Variants in PPP3CA observed in about 807,000 individuals in gnomAD.
PPP3CA encodes the protein CAM-PRP catalytic subunit.
PPP3CA carries 14 observed loss-of-function variants against 66.5 expected under a neutral mutation model. That is an observed-to-expected ratio of 0.21 (90% CI 0.14 to 0.33). The LOEUF (loss-of-function observed/expected upper bound fraction) is 0.33, where lower values mean the gene tolerates loss of function less well. Among genes scored for constraint, PPP3CA ranks in the 10% least tolerant of loss-of-function variants. The pLI, the probability that PPP3CA is intolerant of heterozygous loss-of-function variation, is 1.00. For synonymous variants in PPP3CA, 232 were observed against 226.2 expected (o/e 1.03, Z -0.23); for missense variants, 317 against 639.5 (o/e 0.50, Z 5.44).
At chr4:101,306,111 G>A (rs558989889) in intron 1 of PPP3CA, among the ~76,000 whole-genome samples, 1 of 152,040 alleles carries the variant, frequency 6.6e-6, no homozygotes, top group Non-Finnish European at 1.5e-5. Context: ...AAATTCCTTA[G>A]CACAAGAAAA....
rs1027792823 is a variant in PPP3CA, at chr4:101,023,536, C to T, written c.*2329G>A. 2 of 152,252 alleles carry T rather than the reference C, an allele frequency of 1.3e-5. No homozygotes were observed. Among genetic ancestry groups the T allele is most frequent in the Non-Finnish European group, 2.9e-5 (2 of 68,020 alleles). 9.4% of individuals were successfully genotyped at this position (152,252 alleles called of 1,614,324 possible). A position where few individuals can be genotyped will look rare whatever the true frequency, so the allele number is the denominator to read the frequency against. On this transcript the variant is annotated 3_prime_UTR_variant, in exon 14 of 14. Transcript: ENST00000394854. ...ATTTTTTTTAGTCAGGATATTTTCTCTGCAGTTATAAGAAAGAAAATAAAC... is the reference window on the plus strand; with the variant it reads ...ATTTTTTTTAGTCAGGATATTTTCTTTGCAGTTATAAGAAAGAAAATAAAC...
intron 1 of PPP3CA, among the ~76,000 whole-genome samples, chr4:101,269,152 G>A (rs112511225): frequency 1.5e-4 from 23 of 152,156 alleles, no homozygotes; most frequent in Admixed American, 3.3e-4. Context: ...CCTCCTCATC[G>A]TCTATGACAG....
At chr4:101,070,776 C>A (rs1390674011) in intron 8 of PPP3CA, among the ~76,000 whole-genome samples, 1 of 152,098 alleles carries the variant, frequency 6.6e-6, no homozygotes, top group Non-Finnish European at 1.5e-5. Context: ...ATGTGTTATA[C>A]CTACATACTA....
chr4:101,040,473 T>A lies in PPP3CA; in HGVS notation c.1241+9A>T. The A allele has an allele frequency of 6.3e-7, 1 of 1,584,012 alleles. No homozygotes were observed. The highest frequency in any genetic ancestry group is 8.6e-7 in the Non-Finnish European group (1 of 1,164,254). ...ATTTGAAACAAAAACAGAGTACGAA[T>A]GCACCCACCTGAGCACTGAGAACAC... On this transcript the variant is annotated intron_variant, in intron 11 of 13. Transcript: ENST00000394854.
chr4:101,291,515 T>C (rs1728027179), intron 1 of PPP3CA, among the ~76,000 whole-genome samples: 3 of 152,190 alleles, frequency 2.0e-5, no homozygotes, highest in Admixed American at 2.0e-4. Context: ...CACATCCATA[T>C]CTCCATTGCT....
chr4:101,272,520 T>C (rs1727367186), intron 1 of PPP3CA, among the ~76,000 whole-genome samples: 1 of 152,218 alleles, frequency 6.6e-6, no homozygotes, highest in Non-Finnish European at 1.5e-5. Context: ...TTTTCAACAT[T>C]ACTGATCATT....
chr4:101,056,750 A>G (rs1166382729), intron 10 of PPP3CA, among the ~76,000 whole-genome samples: 1 of 151,792 alleles, frequency 6.6e-6, no homozygotes, highest in Non-Finnish European at 1.5e-5. Flanking sequence ...AGCCAGCCCC[A>G]TAAGGGAGAC....
chr4:101,097,540 A>T (rs1304689547), intron 5 of PPP3CA, among the ~76,000 whole-genome samples: 1 of 152,162 alleles, frequency 6.6e-6, no homozygotes, highest in Non-Finnish European at 1.5e-5. Flanking sequence ...ATATTATTTT[A>T]AAATGACCTA....
intron 2 of PPP3CA, among the ~76,000 whole-genome samples, chr4:101,155,088 T>C (rs1298783287): frequency 6.6e-6 from 1 of 152,210 alleles, no homozygotes; most frequent in Non-Finnish European, 1.5e-5. Flanking sequence ...GTGCTGGGAT[T>C]ACGGGCGTGA....
In PPP3CA at chr4:101,069,164, A is replaced by G. The variant is rs180938382; in HGVS notation, c.956-5807T>C. On this transcript the variant is annotated intron_variant, in intron 8 of 13. Transcript: ENST00000394854. ...ATCCTCCTGCTTTAGCCTCCCAAGT[A>G]GCTGGGACTACAGGCACACACCACC... Among the ~76,000 whole-genome samples, 72 of 152,236 alleles carry G rather than the reference A, an allele frequency of 4.7e-4. 1 individual carries two copies. The highest frequency in any genetic ancestry group is 1.7e-3 in the African/African-American group (70 of 41,540).
chr4:101,244,406 T>A (rs1321344417), intron 1 of PPP3CA, among the ~76,000 whole-genome samples: 1 of 152,182 alleles, frequency 6.6e-6, no homozygotes, highest in African/African-American at 2.4e-5. Context: ...ACCTCTTCAA[T>A]CTGCAAGTCG....
rs1728904467 is a variant in PPP3CA, at chr4:101,071,216, C to G, written c.956-7859G>C. On this transcript the variant is annotated intron_variant, in intron 8 of 13. Coordinates refer to ENST00000394854, the MANE Select transcript of PPP3CA (RefSeq NM_000944.5). ...TTATCACTACACATTCGTAGAAGACCCTTTTCAACTTCAAGCTTGGACTTT... is the reference window on the plus strand; with the variant it reads ...TTATCACTACACATTCGTAGAAGACGCTTTTCAACTTCAAGCTTGGACTTT... 2.6e-5 allele frequency among the ~76,000 whole-genome samples: 4 copies of G among 152,258 alleles called. No homozygotes were observed. The South Asian group carries it at 8.3e-4, about 32-fold the overall frequency.
intron 1 of PPP3CA, among the ~76,000 whole-genome samples, chr4:101,260,944 G>A (rs1180825208): frequency 6.6e-6 from 1 of 151,968 alleles, no homozygotes; most frequent in Non-Finnish European, 1.5e-5. Context: ...TAAAAGAAAG[G>A]ATACAAAAGA....
At chr4:101,081,030 G>T (rs912972925) in intron 7 of PPP3CA, among the ~76,000 whole-genome samples, 1 of 152,008 alleles carries the variant, frequency 6.6e-6, no homozygotes, top group African/African-American at 2.4e-5. Flanking sequence ...AGTAGAGCAA[G>T]ATACAAAGAC....
chr4:101,056,126 T>C (rs879690685), intron 10 of PPP3CA, among the ~76,000 whole-genome samples: 7 of 152,184 alleles, frequency 4.6e-5, no homozygotes, highest in Non-Finnish European at 8.8e-5. Context: ...CAGGCTCTGT[T>C]GCACTTTACT....
intron 2 of PPP3CA, among the ~76,000 whole-genome samples, chr4:101,160,214 A>G (rs904895380): frequency 2.0e-5 from 3 of 152,148 alleles, no homozygotes; most frequent in Non-Finnish European, 4.4e-5. Context: ...GACTGCAATG[A>G]TGAAGTCGCT....
intron 1 of PPP3CA, among the ~76,000 whole-genome samples, chr4:101,291,657 A>G (rs939029019): frequency 1.3e-5 from 2 of 152,232 alleles, no homozygotes; most frequent in Non-Finnish European, 2.9e-5. Context: ...AGGACATTTC[A>G]AAAAGGAAGG....
At chr4:101,110,576 C>G (rs1338431977) in intron 2 of PPP3CA, among the ~76,000 whole-genome samples, 1 of 152,178 alleles carries the variant, frequency 6.6e-6, no homozygotes, top group East Asian at 1.9e-4. Context: ...AATCATATAG[C>G]TTCTTCCCTC....
rs759365658 is a variant in PPP3CA at position 101,098,482 on chromosome 4, T to A, written c.527A>T (p.Asp176Val). ...CKIKYSERVYDACMDAFDCLP... is the reference protein window; with the variant it reads ...CKIKYSERVYVACMDAFDCLP... The stretch of plus-strand genomic sequence containing the variant: ...GCAGTCAAAGGCATCCATACAGGCA[T>A]CATATACGCGTTCTGAATACTTTAT... The change falls in exon 5 of 14, where the codon GAT (aspartate) becomes GTT (valine). Residue 176 changes from aspartate (D) to valine (V), a missense_variant. Physicochemically the swap from Asp to Val is radical, Grantham distance 152. Coordinates refer to ENST00000394854, the MANE Select transcript of PPP3CA (RefSeq NM_000944.5). The A allele has an allele frequency of 1.2e-6, 2 of 1,610,578 alleles. No homozygotes were observed. Among genetic ancestry groups the A allele is most frequent in the Non-Finnish European group, 1.7e-6 (2 of 1,178,152 alleles).
Sources: allele counts gnomAD v4.1 joint callset (sites outside exome capture counted in the v4.1 genomes callset), GRCh38; gene constraint gnomAD v4.1.1; transcripts MANE v1.5; gene names NCBI Gene and HGNC (gene_info 2026-07-23, HGNC 2026-07-21).